The following ITGAE variants were observed in gnomAD, a reference collection of about 807,000 sequenced individuals.
ITGAE encodes the protein integrin alpha-E.
In ITGAE, 99 loss-of-function variants were observed where a neutral mutation model predicts 136.5. The observed-to-expected ratio is 0.73, with a 90% CI of 0.62 to 0.86. The LOEUF is 0.86. Ranked by LOEUF, ITGAE falls within the 40% of genes least tolerant of loss-of-function variation. ITGAE has a pLI of 0.00. For synonymous variants in ITGAE, 613 were observed against 591.8 expected (o/e 1.04, Z -0.52); for missense variants, 1,447 against 1,515.3 (o/e 0.95, Z 0.75).
intron 21 of ITGAE, among the ~76,000 whole-genome samples, chr17:3,734,363 G>A (rs545772045): frequency 1.7e-3 from 264 of 152,294 alleles, no homozygotes; most frequent in Non-Finnish European, 2.4e-3. Context: ...GTGAGCCACC[G>A]TTCCCGGCCC....
rs193204543 is a variant in ITGAE at position 3,798,986 on chromosome 17, A to G, written c.34+2125T>C. The stretch of plus-strand genomic sequence containing the variant: ...CCACAAATAAGAAGTAGGCATCACC[A>G]GAGTGGCTGGCCTGGAGAGAGTGGA... On this transcript the variant is annotated intron_variant, in intron 1 of 30. Transcript: ENST00000263087. This position sits in a 1 kb window ranked among gnomAD's most constrained non-coding sequence, Gnocchi z 4.3. Among the ~76,000 whole-genome samples the G allele has an allele frequency of 5.3e-5, 8 of 152,340 alleles. No homozygotes were observed. Among genetic ancestry groups the G allele is most frequent in the Admixed American group, 5.2e-4 (8 of 15,306 alleles).
rs564514851 is a variant in ITGAE at position 3,737,862 on chromosome 17, A to G, written c.2522+1943T>C. 1.9e-3 allele frequency among the ~76,000 whole-genome samples: 287 copies of G among 152,182 alleles called. 1 individual carries two copies. Among genetic ancestry groups the G allele is most frequent in the African/African-American group, 6.4e-3 (267 of 41,534 alleles). ...TTTGAAAGAGAAGCGTTTGCTTGCT[A>G]TGTACACTAGGGGGCGATGTAGGGC... On this transcript the variant is annotated intron_variant, in intron 20 of 30. Transcript: ENST00000263087.
At chr17:3,718,426 G>A (rs888262199) in intron 29 of ITGAE, 6 of 152,248 alleles carry the variant, frequency 3.9e-5, no homozygotes, top group African/African-American at 9.6e-5. Flanking sequence ...TCCCCCACAC[G>A]GCAGAGTACA....
chr17:3,792,982 G>A (rs112791175), intron 1 of ITGAE, among the ~76,000 whole-genome samples: 2,587 of 152,256 alleles, frequency 0.017, 74 homozygotes, highest in African/African-American at 0.059. Flanking sequence ...CCCCAAAGTA[G>A]AAAACACAGG....
chr17:3,739,968 G>C (rs1343772410), intron 19 of ITGAE, 90 bp from the exon 20 acceptor site: 4 of 1,033,942 alleles, frequency 3.9e-6, no homozygotes, highest in Non-Finnish European at 6.1e-6. Flanking sequence ...GAAGTTTTGG[G>C]CTGTGCCTCC....
At position 3,750,447 on chromosome 17, in the gene ITGAE, C is replaced by CA; in HGVS notation, c.1928_1929insT (p.Gln643HisfsTer12). On this transcript the variant is annotated frameshift_variant, in exon 16 of 31. Coordinates refer to ENST00000263087, the MANE Select transcript of ITGAE (RefSeq NM_002208.5). LOFTEE classifies it high-confidence loss of function. The stretch of plus-strand genomic sequence containing the variant: ...CACCAGCCATGGACATGCCGAAGTA[C>CA]TGGAGTCCTGGGGCCACCGTGGAGG... The CA allele has an allele frequency of 1.9e-6, 3 of 1,614,204 alleles. No homozygotes were observed. The highest frequency in any genetic ancestry group is 2.5e-6 in the Non-Finnish European group (3 of 1,180,034).
intron 2 of ITGAE, among the ~76,000 whole-genome samples, chr17:3,776,870 T>C (rs1405758812): frequency 6.6e-6 from 1 of 151,006 alleles, no homozygotes. Context: ...AGTTTTTTCT[T>C]TGTTATTTTT....
intron 21 of ITGAE, 152 bp downstream of exon 21, chr17:3,734,665 G>A (rs2051421632): frequency 1.1e-6 from 1 of 893,254 alleles, no homozygotes; most frequent in African/African-American, 1.7e-5. Context: ...GAGCCGGACT[G>A]GCGGGGATTT....
At position 3,723,712 on chromosome 17, in the gene ITGAE, G is replaced by A. The variant is rs768779469; in HGVS notation, c.3117C>T (p.Arg1039=). ...CCTGAACCGAACTGTACGCACAAGC[G>A]CGCTCCTGACTCCAGGTGCACACCG... ...ASTVCTWSQE[R]ACAYSSVQHV... Residue 1039 remains arginine, a synonymous_variant, in exon 27 of 31, where the codon CGC becomes CGT. Transcript: ENST00000263087. The A allele has an allele frequency of 2.2e-5, 35 of 1,604,260 alleles. No individual in the cohort carries two copies. In the East Asian group the frequency reaches 7.4e-4, roughly 34 times the overall value.
At chr17:3,742,252 A>G (rs867243977) in intron 19 of ITGAE, among the ~76,000 whole-genome samples, 12 of 152,158 alleles carry the variant, frequency 7.9e-5, no homozygotes, top group African/African-American at 2.7e-4. Context: ...AAGATAAATA[A>G]CTGTAGAACG....
chr17:3,729,719 T>C (rs2051298150), intron 23 of ITGAE, 164 bp from the exon 24 acceptor site: 1 of 587,434 alleles, frequency 1.7e-6, no homozygotes, highest in East Asian at 3.2e-5. Flanking sequence ...CTCAGCCTCC[T>C]GAGTAGCTGG....
intron 1 of ITGAE, among the ~76,000 whole-genome samples, chr17:3,791,769 T>A (rs1195147851): frequency 6.6e-6 from 1 of 152,098 alleles, no homozygotes; most frequent in Non-Finnish European, 1.5e-5. Flanking sequence ...TCCAACAAGC[T>A]CCCAGACGAT....
At chr17:3,755,603 G>A (rs1036082393) in intron 11 of ITGAE, among the ~76,000 whole-genome samples, 1 of 152,346 alleles carries the variant, frequency 6.6e-6, no homozygotes, top group South Asian at 2.1e-4. Flanking sequence ...CCACCCTTTT[G>A]TTGCAGTGAG....
At chr17:3,778,895 C>A (rs910512184) in intron 1 of ITGAE, among the ~76,000 whole-genome samples, 2 of 152,178 alleles carry the variant, frequency 1.3e-5, no homozygotes, top group Non-Finnish European at 2.9e-5. Flanking sequence ...CGAGCCCTGT[C>A]GTTACCCTCA....
chr17:3,771,864 G>A (rs2052432272), intron 2 of ITGAE, among the ~76,000 whole-genome samples: 1 of 152,106 alleles, frequency 6.6e-6, no homozygotes, highest in Admixed American at 6.5e-5. Flanking sequence ...TATGGCACAT[G>A]TTGATAAAAT....
chr17:3,757,165 C>T lies in ITGAE; in HGVS notation c.1021-31G>A, dbSNP rs170214. ...CAGACAGCCTGGGTCAGCGAGTCAG[C>T]GCTGCGTGGATTCCCCAGGCCCAGG... On this transcript the variant is annotated intron_variant, in intron 9 of 30. Transcript: ENST00000263087. 8.6e-4 allele frequency: 1,381 copies of T among 1,606,804 alleles called. 16 individuals carry two copies. In the East Asian group the frequency reaches 0.022, roughly 25 times the overall value.
intron 1 of ITGAE, among the ~76,000 whole-genome samples, chr17:3,778,901 C>A (rs976128719): frequency 2.0e-5 from 3 of 152,146 alleles, no homozygotes; most frequent in Non-Finnish European, 4.4e-5. Flanking sequence ...CTGTCGTTAC[C>A]CTCAGCTTTC....
chr17:3,770,356 C>G (rs2052391858), intron 2 of ITGAE, among the ~76,000 whole-genome samples: 2 of 152,034 alleles, frequency 1.3e-5, no homozygotes, highest in African/African-American at 4.8e-5. Flanking sequence ...TCTCGAACTC[C>G]TGACCTCAAG....
chr17:3,759,221 TCTTTGGAAGA>T (rs1567539291), intron 8 of ITGAE, among the ~76,000 whole-genome samples, 171 bp downstream of exon 8: 2 of 151,566 alleles, frequency 1.3e-5, no homozygotes, highest in Non-Finnish European at 2.9e-5. Flanking sequence ...CAAGAGGAAG[TCTTTGGAAGA>T]CTTTTTGGAG....
Sources: allele counts gnomAD v4.1 joint callset (sites outside exome capture counted in the v4.1 genomes callset), GRCh38; gene constraint gnomAD v4.1.1; non-coding constraint Gnocchi (gnomAD v3.1); transcripts MANE v1.5; gene names NCBI Gene and HGNC (gene_info 2026-07-23, HGNC 2026-07-21).